Variants in KAZN observed in about 807,000 individuals in gnomAD.
KAZN encodes the protein kazrin, periplakin interacting protein, also known as kazrin.
Under a neutral mutation model 87.4 loss-of-function variants are expected in KAZN, and 40 were observed. The observed-to-expected ratio is 0.46, with a 90% confidence interval of 0.36 to 0.60. The LOEUF (loss-of-function observed/expected upper bound fraction) is 0.60, where lower values mean the gene tolerates loss of function less well. Among genes scored for constraint, KAZN ranks in the 20% least tolerant of loss-of-function variants. The pLI, the probability that KAZN is intolerant of heterozygous loss-of-function variation, is 0.00. For missense variants in KAZN, 898 were observed against 1,073.9 expected (o/e 0.84, Z 2.29); for synonymous variants, 466 against 458.3 (o/e 1.02, Z -0.22).
chr1:14,147,365 T>G (rs1014173926), intron 1 of KAZN, among the ~76,000 whole-genome samples: 1 of 152,222 alleles, frequency 6.6e-6, no homozygotes, highest in Non-Finnish European at 1.5e-5. Flanking sequence ...AAACCCTAGC[T>G]GTCTCATTTA....
chr1:14,607,694 G>C (rs969502625), intron 1 of KAZN, among the ~76,000 whole-genome samples: 1 of 152,198 alleles, frequency 6.6e-6, no homozygotes, highest in Non-Finnish European at 1.5e-5. Context: ...CTGCCTCACT[G>C]CTGGGCTGTG....
At chr1:14,395,140 T>C (rs990197268) in intron 2 of KAZN, among the ~76,000 whole-genome samples, 2 of 150,336 alleles carry the variant, frequency 1.3e-5, no homozygotes, top group South Asian at 2.1e-4. Flanking sequence ...GAGAATGAGA[T>C]GGAGGAGAGA....
At chr1:14,547,301 A>T (rs546151472) in intron 2 of KAZN, among the ~76,000 whole-genome samples, 1 of 152,330 alleles carries the variant, frequency 6.6e-6, no homozygotes, top group African/African-American at 2.4e-5. Context: ...ATGCTAACTT[A>T]TAAAACTAGT....
chr1:14,599,453 G>C lies in KAZN; in HGVS notation c.226+230G>C, dbSNP rs1676772752. Among the ~76,000 whole-genome samples the C allele has an allele frequency of 1.3e-5, 2 of 152,118 alleles. No individual in the cohort carries two copies. The highest frequency in any genetic ancestry group is 2.9e-5 in the Non-Finnish European group (2 of 68,008). On this transcript the variant is annotated intron_variant, in intron 1 of 14. Transcript: ENST00000376030. This position sits in a 1 kb window ranked among gnomAD's most constrained non-coding sequence, Gnocchi z 4.4. ...GTGCACGGGGTCACACGGTCACACC[G>C]GCCCCGGCCAGCCTGAGCGAGGCGC...
At chr1:14,563,550 A>G (rs12034577) in intron 2 of KAZN, among the ~76,000 whole-genome samples, 87,420 of 151,962 alleles carry the variant, frequency 0.58, 25,428 homozygotes, top group East Asian at 0.68. Context: ...ACCTTCCTGG[A>G]TTTATCTCAG....
At chr1:14,206,207 ATTTTC>A (rs1005756355) in intron 2 of KAZN, among the ~76,000 whole-genome samples, 3 of 152,046 alleles carry the variant, frequency 2.0e-5, no homozygotes, top group Admixed American at 6.6e-5. Context: ...ACAGGTTAAT[ATTTTC>A]TTTAATCTGT....
intron 10 of KAZN, among the ~76,000 whole-genome samples, chr1:15,098,967 C>T (rs969214396): frequency 6.6e-6 from 1 of 152,222 alleles, no homozygotes; most frequent in Non-Finnish European, 1.5e-5. Flanking sequence ...AGATGCGTAA[C>T]CATGAACCAC....
intron 1 of KAZN, among the ~76,000 whole-genome samples, chr1:14,622,668 T>C (rs1290952815): frequency 3.0e-4 from 42 of 138,732 alleles, no homozygotes; most frequent in Middle Eastern, 3.8e-3. Context: ...CCAGCCAGGG[T>C]GACAGAGCGA....
chr1:13,930,884 AG>A (rs978138348), intron 1 of KAZN, among the ~76,000 whole-genome samples: 3 of 152,158 alleles, frequency 2.0e-5, no homozygotes, highest in Admixed American at 2.0e-4. Context: ...AGTGGTCCTT[AG>A]GGGGTCCTGG....
At chr1:13,940,448 G>A (rs1640887221) in intron 1 of KAZN, among the ~76,000 whole-genome samples, 1 of 152,120 alleles carries the variant, frequency 6.6e-6, no homozygotes. Context: ...AGTAGTCTCT[G>A]ATGATCTTTT....
At chr1:14,650,727 C>T (rs1458510468) in intron 1 of KAZN, among the ~76,000 whole-genome samples, 1 of 152,172 alleles carries the variant, frequency 6.6e-6, no homozygotes, top group African/African-American at 2.4e-5. Flanking sequence ...TATTAGTCAG[C>T]AGGTTCCTGA....
chr1:14,768,970 T>C (rs1367175549), intron 1 of KAZN, among the ~76,000 whole-genome samples: 1 of 152,252 alleles, frequency 6.6e-6, no homozygotes, highest in Admixed American at 6.5e-5. Flanking sequence ...TTGACCAGTG[T>C]GCAGCTACCT....
chr1:14,389,589 A>G (rs148517868), intron 2 of KAZN, among the ~76,000 whole-genome samples: 1 of 152,216 alleles, frequency 6.6e-6, no homozygotes, highest in Non-Finnish European at 1.5e-5. Context: ...TAAGTGAAAT[A>G]AGCCAGGCAC....
At chr1:13,959,184 C>T (rs1486721489) in intron 1 of KAZN, among the ~76,000 whole-genome samples, 2 of 152,290 alleles carry the variant, frequency 1.3e-5, no homozygotes, top group African/African-American at 2.4e-5. Flanking sequence ...AGCTAGCTAG[C>T]GCTTTCTACC....
chr1:14,124,885 C>T (rs1005307909), intron 1 of KAZN, among the ~76,000 whole-genome samples: 4 of 152,278 alleles, frequency 2.6e-5, no homozygotes, highest in Non-Finnish European at 5.9e-5. Flanking sequence ...AGTCTCCTGT[C>T]GGGGGCAGCA....
chr1:14,895,827 T>C (rs1655205217), intron 1 of KAZN, among the ~76,000 whole-genome samples: 1 of 152,078 alleles, frequency 6.6e-6, no homozygotes, highest in African/African-American at 2.4e-5. Context: ...CCAAGGTGTA[T>C]AGTTAGGTCA....
At chr1:14,203,792 G>A (rs973764993) in intron 2 of KAZN, among the ~76,000 whole-genome samples, 1 of 152,164 alleles carries the variant, frequency 6.6e-6, no homozygotes, top group South Asian at 2.1e-4. Context: ...AAGATGATAT[G>A]GTAGGGAGAG....
In KAZN at chr1:14,356,459, G is replaced by C. The variant is rs569519738; in HGVS notation, c.249+175867G>C. 3.3e-3 allele frequency among the ~76,000 whole-genome samples: 506 copies of C among 152,244 alleles called. 2 individuals carry two copies. The highest frequency in any genetic ancestry group is 0.011 in the African/African-American group (477 of 41,526). On this transcript the variant is annotated intron_variant, in intron 2 of 16. Transcript: ENST00000636203. ...ATCCCATTTGTCAATTTTGGCTTTT[G>C]TTGCCATTGCTTTTGGTGTTTTAGT...
intron 2 of KAZN, among the ~76,000 whole-genome samples, chr1:14,566,500 A>C (rs1432400131): frequency 1.3e-5 from 2 of 152,250 alleles, no homozygotes; most frequent in Non-Finnish European, 2.9e-5. Context: ...GCTGCATTAG[A>C]TGCTAACAAG....
Sources: allele counts gnomAD v4.1 joint callset (sites outside exome capture counted in the v4.1 genomes callset), GRCh38; gene constraint gnomAD v4.1.1; non-coding constraint Gnocchi (gnomAD v3.1); transcripts MANE v1.5; gene names NCBI Gene and HGNC (gene_info 2026-07-23, HGNC 2026-07-21).